ZNF483: variants seen among roughly 807,000 people sequenced by gnomAD.
The protein encoded by ZNF483 is zinc finger protein 483.
A neutral mutation model predicts 28.6 loss-of-function variants in ZNF483; 9 were observed. The observed-to-expected ratio is 0.32, with a 90% CI of 0.19 to 0.55. The LOEUF is 0.55. Ranked by LOEUF, ZNF483 falls within the 20% of genes least tolerant of loss-of-function variation. The probability of loss-of-function intolerance (pLI) is 0.93; values close to 1 mark genes in which losing one functional copy is unlikely to be tolerated. For synonymous variants in ZNF483, 322 were observed against 306.2 expected (o/e 1.05, Z -0.54); for missense variants, 675 against 871.7 (o/e 0.77, Z 2.84).
At position 111,544,302 on chromosome 9, in the gene ZNF483, G is replaced by A; in HGVS notation, c.*1132G>A. ...CAATTGGAGTGTAAACATTCTGTGT[G>A]GCAACAGTTAAAAGCTGTTATAACA... On this transcript the variant is annotated 3_prime_UTR_variant, in exon 6 of 6. Coordinates refer to ENST00000309235, the MANE Select transcript of ZNF483 (RefSeq NM_133464.5). The A allele has an allele frequency of 1.0e-6, 1 of 985,320 alleles. No homozygotes were observed. Among genetic ancestry groups the A allele is most frequent in the African/African-American group, 1.7e-5 (1 of 57,320 alleles). 61.0% of individuals were successfully genotyped at this position (985,320 alleles called of 1,614,324 possible).
chr9:111,526,195 G>C (rs1411880965), intron 1 of ZNF483, among the ~76,000 whole-genome samples: 2 of 152,184 alleles, frequency 1.3e-5, no homozygotes, highest in East Asian at 3.8e-4. Context: ...ATAAAAGTTT[G>C]GTAGGAGAAA....
At chr9:111,557,847 T>C (rs1828168940), downstream of ZNF483, among the ~76,000 whole-genome samples, 1 of 152,182 alleles carries the variant, frequency 6.6e-6, no homozygotes, top group African/African-American at 2.4e-5. Flanking sequence ...TGGTGAAGTA[T>C]GTTAAAACTA....
chr9:111,562,039 C>T (rs975308610), intron 5 of ZNF483, among the ~76,000 whole-genome samples: 1 of 152,120 alleles, frequency 6.6e-6, no homozygotes, highest in Non-Finnish European at 1.5e-5. Context: ...GCACCCGCTA[C>T]CATGCCCAGC....
rs563197842 is a variant in ZNF483, at chr9:111,548,333, T to TA, written c.*5164dup. On this transcript the variant is annotated 3_prime_UTR_variant, in exon 6 of 6. Transcript: ENST00000309235. ...GTCTTTAATTTTTTCAGCAATGTGT[T>TA]ACAGTTGTCATTGTACAAGTCTTTT... 5.8e-4 allele frequency among the ~76,000 whole-genome samples: 89 copies of TA among 152,340 alleles called. No individual in the cohort carries two copies. In the East Asian group the frequency reaches 0.016, roughly 28 times the overall value.
downstream of ZNF483, among the ~76,000 whole-genome samples, chr9:111,558,963 G>C (rs1476344067): frequency 6.6e-6 from 1 of 152,042 alleles, no homozygotes; most frequent in African/African-American, 2.4e-5. Flanking sequence ...CCCCTCTCCT[G>C]CAGATGCTCC....
chr9:111,573,921 A>G (rs533588127), intron 5 of ZNF483, among the ~76,000 whole-genome samples: 1 of 152,288 alleles, frequency 6.6e-6, no homozygotes, highest in East Asian at 1.9e-4. Flanking sequence ...GAAATAAAAC[A>G]AGGACAATCA....
At position 111,542,152 on chromosome 9, in the gene ZNF483, C is replaced by G; in HGVS notation, c.1217C>G (p.Ser406Cys). ...ATCTTTATTAGAAGATCAACTCTTT[C>G]TAGGAGAAAAACCCCTATGTGTGAG... ...GIIFIRRSTL[S>C]RRKTPMCEKC... Residue 406 changes from serine (S) to cysteine (C), a missense_variant, in exon 6 of 6, where the codon TCT (serine) becomes TGT (cysteine). This residue lies in a region of ZNF483 where 525 missense variants were observed against 581.8 expected (regional missense o/e 0.90). Transcript: ENST00000309235. This position sits in a 1 kb window ranked among gnomAD's most constrained non-coding sequence, Gnocchi z 6.2. 1.2e-6 allele frequency: 2 copies of G among 1,613,978 alleles called. No individual in the cohort carries two copies. Among genetic ancestry groups the G allele is most frequent in the Non-Finnish European group, 8.5e-7 (1 of 1,180,016 alleles).
At chr9:111,530,320 C>A (rs568102018) in intron 2 of ZNF483, among the ~76,000 whole-genome samples, 1 of 152,252 alleles carries the variant, frequency 6.6e-6, no homozygotes, top group South Asian at 2.1e-4. Flanking sequence ...AGCCCCTTGC[C>A]CTATGCAATG....
chr9:111,572,542 ATCGT>A (rs1263645976), intron 5 of ZNF483, among the ~76,000 whole-genome samples: 2 of 152,142 alleles, frequency 1.3e-5, no homozygotes, highest in Non-Finnish European at 2.9e-5. Context: ...GTGAGCCGAG[ATCGT>A]GCCATTGCAC....
At chr9:111,573,058 T>G (rs1828897731) in intron 5 of ZNF483, among the ~76,000 whole-genome samples, 1 of 152,140 alleles carries the variant, frequency 6.6e-6, no homozygotes, top group African/African-American at 2.4e-5. Flanking sequence ...TCCATCTGAT[T>G]AAAATGGAAC....
intron 5 of ZNF483, among the ~76,000 whole-genome samples, chr9:111,560,473 C>CAAA (rs752283590): frequency 5.3e-5 from 5 of 94,296 alleles, no homozygotes; most frequent in Non-Finnish European, 8.4e-5. Flanking sequence ...GACTCCATCT[C>CAAA]AAAAAAAAAA....
chr9:111,563,159 T>C (rs1465466649), intron 5 of ZNF483: 1 of 1,614,056 alleles, frequency 6.2e-7, no homozygotes, highest in East Asian at 2.2e-5. Context: ...TTATCTCCTT[T>C]CAGCATTCCC....
At chr9:111,534,668 AAGG>A (rs1827436068) in intron 5 of ZNF483, among the ~76,000 whole-genome samples, 1 of 150,496 alleles carries the variant, frequency 6.6e-6, no homozygotes, top group African/African-American at 2.4e-5. Context: ...TGAGAACAGG[AAGG>A]AGGGCAGATT....
chr9:111,573,809 G>A (rs1351054088), intron 5 of ZNF483, among the ~76,000 whole-genome samples: 1 of 152,124 alleles, frequency 6.6e-6, no homozygotes, highest in Non-Finnish European at 1.5e-5. Context: ...ATGGTTCTCT[G>A]GTTGATACTG....
At chr9:111,539,387 C>A in intron 5 of ZNF483, 1 of 454,116 alleles carries the variant, frequency 2.2e-6, no homozygotes, top group Non-Finnish European at 4.4e-6. Flanking sequence ...TCATTTAAAG[C>A]AGTATAACCT....
At chr9:111,573,416 C>G (rs541783092) in intron 5 of ZNF483, among the ~76,000 whole-genome samples, 9 of 152,326 alleles carry the variant, frequency 5.9e-5, no homozygotes, top group African/African-American at 1.9e-4. Flanking sequence ...CTAGCCCCCC[C>G]ATCTCCATAC....
At chr9:111,561,781 AG>A (rs1828330218) in intron 5 of ZNF483, among the ~76,000 whole-genome samples, 1 of 151,412 alleles carries the variant, frequency 6.6e-6, no homozygotes, top group African/African-American at 2.4e-5. Context: ...CACAAGCAAT[AG>A]GGGTGGTAAT....
chr9:111,549,415 G>T lies in ZNF483; in HGVS notation c.*6245G>T, dbSNP rs1298431593. On this transcript the variant is annotated 3_prime_UTR_variant, in exon 6 of 6. Transcript: ENST00000309235. ...CACATGTGAGGTTCCTCTGCTGAAT[G>T]AATCTTTTGGTGCTCAGTAAGTTGT... Among the ~76,000 whole-genome samples, 1 of 152,198 alleles carries T rather than the reference G, an allele frequency of 6.6e-6. No homozygotes were observed. The highest frequency in any genetic ancestry group is 1.5e-5 in the Non-Finnish European group (1 of 68,034).
chr9:111,555,979 C>G (rs1828110794), downstream of ZNF483, among the ~76,000 whole-genome samples: 1 of 152,214 alleles, frequency 6.6e-6, no homozygotes, highest in South Asian at 2.1e-4. Flanking sequence ...TCCAAAGTCT[C>G]TTCTGACACA....
Sources: allele counts gnomAD v4.1 joint callset (sites outside exome capture counted in the v4.1 genomes callset), GRCh38; gene constraint gnomAD v4.1.1; regional missense constraint gnomAD v4.1.1; non-coding constraint Gnocchi (gnomAD v3.1); transcripts MANE v1.5; gene names NCBI Gene and HGNC (gene_info 2026-07-23, HGNC 2026-07-21).